Variants in BABAM2 observed in about 807,000 individuals in gnomAD.
BABAM2 encodes the protein BRISC and BRCA1-A complex member 2.
Under a neutral mutation model 54.7 loss-of-function variants are expected in BABAM2, and 31 were observed. The observed-to-expected ratio is 0.57, with a 90% CI of 0.43 to 0.77. The LOEUF is 0.77. Among genes scored for constraint, BABAM2 ranks in the 30% least tolerant of loss-of-function variants. The pLI is 0.00. For missense variants in BABAM2, 364 were observed against 455.8 expected (o/e 0.80, Z 1.83); for synonymous variants, 167 against 162.9 (o/e 1.03, Z -0.19).
At chr2:28,129,930 A>G (rs1669880275) in intron 7 of BABAM2, among the ~76,000 whole-genome samples, 3 of 152,372 alleles carry the variant, frequency 2.0e-5, no homozygotes, top group Admixed American at 2.0e-4. Context: ...GTAGTTTGAT[A>G]TCGCATTTGT....
chr2:28,090,177 C>G (rs1009417670), intron 6 of BABAM2, among the ~76,000 whole-genome samples: 4 of 152,130 alleles, frequency 2.6e-5, no homozygotes, highest in Admixed American at 2.0e-4. Flanking sequence ...ATGACATAGC[C>G]AAATGACAGA....
chr2:28,208,354 A>G (rs1679097442), intron 7 of BABAM2, among the ~76,000 whole-genome samples: 1 of 152,200 alleles, frequency 6.6e-6, no homozygotes, highest in Admixed American at 6.5e-5. Context: ...TTTAATTTGT[A>G]AGCTCTGTAG....
chr2:27,941,330 C>T (rs376815021), intron 3 of BABAM2, among the ~76,000 whole-genome samples: 8 of 151,970 alleles, frequency 5.3e-5, no homozygotes, highest in East Asian at 1.9e-4. Context: ...TTTGGGAGGT[C>T]GAGGCGGGCA....
In BABAM2 at chr2:28,326,252, C is replaced by G. The variant is rs560363233; in HGVS notation, c.1089-12198C>G. 2.6e-5 allele frequency among the ~76,000 whole-genome samples: 4 copies of G among 152,326 alleles called. No homozygotes were observed. In the South Asian group the frequency reaches 8.3e-4, roughly 32 times the overall value. On this transcript the variant is annotated intron_variant, in intron 11 of 11. Transcript: ENST00000379624. Reference sequence around the variant, plus strand: ...GGTGAGCTGCGTGAGTAGCCCTCCTCCTGGCCGGGACTGTGGTGAGCTCCC... The same window carrying G: ...GGTGAGCTGCGTGAGTAGCCCTCCTGCTGGCCGGGACTGTGGTGAGCTCCC...
intron 6 of BABAM2, among the ~76,000 whole-genome samples, chr2:28,066,950 A>T (rs531871055): frequency 1.3e-5 from 2 of 152,274 alleles, no homozygotes; most frequent in South Asian, 2.1e-4. Flanking sequence ...TTGTTTAATT[A>T]ATTTATTTAT....
chr2:28,134,015 G>A (rs181898652), intron 7 of BABAM2, among the ~76,000 whole-genome samples: 350 of 152,210 alleles, frequency 2.3e-3, no homozygotes, highest in African/African-American at 8.2e-3. Flanking sequence ...CTCCCACTGC[G>A]CATTTCTATG....
At chr2:28,137,389 G>A (rs1670645645) in intron 7 of BABAM2, among the ~76,000 whole-genome samples, 3 of 152,258 alleles carry the variant, frequency 2.0e-5, no homozygotes, top group South Asian at 4.1e-4. Flanking sequence ...AGAGAGAGCT[G>A]TCTTATCCTC....
intron 7 of BABAM2, among the ~76,000 whole-genome samples, chr2:28,146,790 A>G (rs1671531564): frequency 6.6e-6 from 1 of 152,170 alleles, no homozygotes; most frequent in Non-Finnish European, 1.5e-5. Flanking sequence ...TTTAATCTCT[A>G]GAACTCTCAT....
At chr2:28,180,271 T>C (rs944285505) in intron 7 of BABAM2, among the ~76,000 whole-genome samples, 1 of 152,114 alleles carries the variant, frequency 6.6e-6, no homozygotes. Flanking sequence ...AACAGACACA[T>C]AGACCAATGG....
intron 7 of BABAM2, among the ~76,000 whole-genome samples, chr2:28,142,034 T>G (rs1671110189): frequency 6.6e-6 from 1 of 151,440 alleles, no homozygotes; most frequent in South Asian, 2.1e-4. Context: ...TGTGTAAAAT[T>G]CATATATGAA....
At chr2:28,071,138 TCTGA>T (rs1356284571) in intron 6 of BABAM2, among the ~76,000 whole-genome samples, 1 of 152,204 alleles carries the variant, frequency 6.6e-6, no homozygotes, top group Non-Finnish European at 1.5e-5. Flanking sequence ...TAGCCACCAT[TCTGA>T]CTGTTAGGAA....
At chr2:28,276,313 C>G (rs1228674901) in intron 10 of BABAM2, among the ~76,000 whole-genome samples, 1 of 152,044 alleles carries the variant, frequency 6.6e-6, no homozygotes, top group African/African-American at 2.4e-5. Flanking sequence ...AGATGTGAGT[C>G]ATCCACTTTA....
In BABAM2 at chr2:27,953,572, A is replaced by T. The variant is rs191904601; in HGVS notation, c.205+23664A>T. 6.3e-3 allele frequency among the ~76,000 whole-genome samples: 951 copies of T among 151,954 alleles called. 4 individuals carry two copies. Among genetic ancestry groups the T allele is most frequent in the Non-Finnish European group, 7.8e-3 (533 of 67,964 alleles). On this transcript the variant is annotated intron_variant, in intron 3 of 11. Coordinates refer to ENST00000379624, the MANE Select transcript of BABAM2 (RefSeq NM_199191.3). The stretch of plus-strand genomic sequence containing the variant: ...TTCCCAAAGTGCTGGGATTATAGGC[A>T]TGAACCACCGCACTGGGCCCACACT...
chr2:27,907,776 C>T (rs969521992), intron 2 of BABAM2, among the ~76,000 whole-genome samples: 1 of 152,136 alleles, frequency 6.6e-6, no homozygotes, highest in African/African-American at 2.4e-5. Context: ...GTGAGTCATG[C>T]AGTATTTACC....
rs547326309 is a variant in BABAM2 at position 28,148,899 on chromosome 2, A to G, written c.680+19519A>G. Among the ~76,000 whole-genome samples, 105 of 152,292 alleles carry G rather than the reference A, an allele frequency of 6.9e-4. 1 individual carries two copies. Among genetic ancestry groups the G allele is most frequent in the African/African-American group, 2.4e-3 (100 of 41,568 alleles). On this transcript the variant is annotated intron_variant, in intron 7 of 11. Transcript: ENST00000379624. ...CCTCGTGTTCTCAAATATCCTTGCAATAAATGATCATCTCTCCAAGTAGTC... is the reference window on the plus strand; with the variant it reads ...CCTCGTGTTCTCAAATATCCTTGCAGTAAATGATCATCTCTCCAAGTAGTC...
At chr2:28,251,953 G>A (rs1408886319) in intron 10 of BABAM2, among the ~76,000 whole-genome samples, 1 of 152,110 alleles carries the variant, frequency 6.6e-6, no homozygotes, top group Non-Finnish European at 1.5e-5. Flanking sequence ...CACTTGGGGA[G>A]GCCAAGGTGG....
At chr2:27,964,746 G>A (rs1489141764) in intron 3 of BABAM2, among the ~76,000 whole-genome samples, 1 of 152,114 alleles carries the variant, frequency 6.6e-6, no homozygotes, top group Non-Finnish European at 1.5e-5. Context: ...TAGGTTTTAG[G>A]TTTTATAAAT....
At chr2:28,136,752 C>A (rs916437451) in intron 7 of BABAM2, among the ~76,000 whole-genome samples, 1 of 152,120 alleles carries the variant, frequency 6.6e-6, no homozygotes, top group African/African-American at 2.4e-5. Flanking sequence ...TACCCCACAG[C>A]GTGCCTGGCA....
chr2:28,175,487 C>T (rs1211420038), intron 7 of BABAM2, among the ~76,000 whole-genome samples: 3 of 152,204 alleles, frequency 2.0e-5, no homozygotes, highest in Admixed American at 6.5e-5. Context: ...CCACTGCCAG[C>T]ATTTGTGCAC....
Sources: gnomAD v4.1 joint callset for allele counts (sites outside exome capture counted in the v4.1 genomes callset) on GRCh38, gnomAD v4.1.1 for gene constraint, MANE v1.5 for transcripts, NCBI Gene and HGNC (gene_info 2026-07-23, HGNC 2026-07-21) for gene names.